THRB: variants seen among roughly 807,000 people sequenced by gnomAD.
THRB encodes the protein nuclear receptor subfamily 1 group A member 2.
A neutral mutation model predicts 47.8 loss-of-function variants in THRB; 12 were observed. The observed-to-expected ratio is 0.25, with a 90% CI of 0.16 to 0.41. THRB has a LOEUF of 0.41. THRB is among the 10% of genes least tolerant of loss of function. The probability of loss-of-function intolerance (pLI) is 1.00; values close to 1 mark genes in which losing one functional copy is unlikely to be tolerated. For synonymous variants in THRB, 218 were observed against 212.2 expected, an observed-to-expected ratio of 1.03 and a Z score of -0.24; for missense variants, 348 against 589.2, an observed-to-expected ratio of 0.59 and a Z score of 4.24.
chr3:24,469,636 C>G (rs1367083207), intron 1 of THRB, among the ~76,000 whole-genome samples: 1 of 152,104 alleles, frequency 6.6e-6, no homozygotes, highest in Non-Finnish European at 1.5e-5. Flanking sequence ...GTGTTAGATA[C>G]ATGCAAAAAT....
At chr3:24,484,622 G>C (rs532773784) in intron 1 of THRB, among the ~76,000 whole-genome samples, 12 of 152,262 alleles carry the variant, frequency 7.9e-5, no homozygotes, top group Non-Finnish European at 1.3e-4. Flanking sequence ...TGGGCTACCA[G>C]GGGTTAATAA....
At chr3:24,467,772 G>A (rs1294597759) in intron 1 of THRB, among the ~76,000 whole-genome samples, 1 of 152,174 alleles carries the variant, frequency 6.6e-6, no homozygotes, top group Non-Finnish European at 1.5e-5. Flanking sequence ...CCTAGGCAGA[G>A]TAGATTTAGC....
chr3:24,425,151 G>A (rs1444665948), intron 1 of THRB, among the ~76,000 whole-genome samples: 1 of 151,706 alleles, frequency 6.6e-6, no homozygotes, highest in Admixed American at 6.6e-5. Flanking sequence ...TTTTCAAGAT[G>A]TGGTATTGCT....
At chr3:24,490,624 G>A (rs143557546) in intron 1 of THRB, among the ~76,000 whole-genome samples, 6 of 152,276 alleles carry the variant, frequency 3.9e-5, no homozygotes, top group Middle Eastern at 3.4e-3. Flanking sequence ...ATAGACTAAA[G>A]CCCAAAGCAT....
intron 1 of THRB, among the ~76,000 whole-genome samples, chr3:24,409,240 G>A (rs908653120): frequency 1.1e-4 from 16 of 151,932 alleles, no homozygotes; most frequent in Admixed American, 2.6e-4. Flanking sequence ...CCCACTGTAA[G>A]TTAAATTTGC....
intron 3 of THRB, among the ~76,000 whole-genome samples, chr3:24,282,866 C>A (rs1161108271): frequency 1.3e-5 from 2 of 150,474 alleles, no homozygotes; most frequent in African/African-American, 4.9e-5. Flanking sequence ...ACACATACAC[C>A]CTCCCAAGAC....
intron 1 of THRB, among the ~76,000 whole-genome samples, chr3:24,404,210 A>G (rs1311922666): frequency 2.0e-5 from 3 of 151,954 alleles, no homozygotes; most frequent in African/African-American, 7.2e-5. Flanking sequence ...AAATCAATGC[A>G]TGGTATTACA....
At chr3:24,383,394 G>T (rs2149872060) in intron 1 of THRB, among the ~76,000 whole-genome samples, 1 of 152,228 alleles carries the variant, frequency 6.6e-6, no homozygotes, top group Admixed American at 6.5e-5. Flanking sequence ...AGGGATTGGG[G>T]CTGAGGGAAG....
chr3:24,439,735 C>T (rs1415439058), intron 1 of THRB, among the ~76,000 whole-genome samples: 4 of 152,202 alleles, frequency 2.6e-5, no homozygotes, highest in African/African-American at 9.7e-5. Flanking sequence ...TTATCATTTC[C>T]ATTCACCAAA....
At chr3:24,457,398 G>A (rs2073278547) in intron 1 of THRB, among the ~76,000 whole-genome samples, 2 of 152,104 alleles carry the variant, frequency 1.3e-5, no homozygotes, top group Non-Finnish European at 2.9e-5. Flanking sequence ...TTGATTAGCA[G>A]GTATAGATGC....
At chr3:24,382,407 A>T (rs2065782721) in intron 1 of THRB, among the ~76,000 whole-genome samples, 1 of 152,288 alleles carries the variant, frequency 6.6e-6, no homozygotes, top group Admixed American at 6.5e-5. Context: ...AAGGAAAAAT[A>T]TCATTAAACG....
At chr3:24,426,654 G>T (rs1202530814) in intron 1 of THRB, among the ~76,000 whole-genome samples, 1 of 151,936 alleles carries the variant, frequency 6.6e-6, no homozygotes. Context: ...TAGATTAATT[G>T]TCTATAGCTG....
chr3:24,377,672 C>A (rs1577192408), intron 1 of THRB, among the ~76,000 whole-genome samples: 1 of 152,130 alleles, frequency 6.6e-6, no homozygotes, highest in Non-Finnish European at 1.5e-5. Flanking sequence ...TACACTGTGA[C>A]CCACAATGTA....
intron 1 of THRB, among the ~76,000 whole-genome samples, chr3:24,376,014 G>T (rs1254569991): frequency 2.0e-5 from 3 of 152,082 alleles, no homozygotes; most frequent in Non-Finnish European, 2.9e-5. Context: ...AACTCCTCTA[G>T]AGGCCAAAAC....
intron 3 of THRB, among the ~76,000 whole-genome samples, chr3:24,235,827 C>T (rs1044101064): frequency 8.6e-5 from 13 of 151,956 alleles, no homozygotes; most frequent in African/African-American, 2.4e-4. Context: ...AGGAAGTTGC[C>T]GTGTAAGAGG....
chr3:24,389,736 C>A (rs1439580562), intron 1 of THRB, among the ~76,000 whole-genome samples: 1 of 151,762 alleles, frequency 6.6e-6, no homozygotes, highest in East Asian at 1.9e-4. Context: ...TTAGCTGTAA[C>A]AACAAAAACA....
rs1559548533 is a variant in THRB, at chr3:24,188,886, A to ATATATATATATATATATATATATATATAT, written c.283+1187_283+1188insATATATATATATATATATATATATATATA. Among the ~76,000 whole-genome samples the ATATATATATATATATATATATATATATAT allele has an allele frequency of 7.3e-5, 5 of 68,284 alleles. 1 individual carries two copies. The highest frequency in any genetic ancestry group is 6.2e-4 in the African/African-American group (5 of 8,068). The allele number at this position is 68,284 out of a possible 152,430, so 44.8% of individuals were successfully genotyped here. ...ATATATATATATATATATATATATGAGAGAAAGAGAGTCCAAATACAAACC... is the reference window on the plus strand; with the variant it reads ...ATATATATATATATATATATATATGATATATATATATATATATATATATATATATGAGAAAGAGAGTCCAAATACAAACC... On this transcript the variant is annotated intron_variant, in intron 5 of 10. Transcript: ENST00000646209.
At chr3:24,267,263 G>A (rs1477220138) in intron 3 of THRB, among the ~76,000 whole-genome samples, 2 of 152,004 alleles carry the variant, frequency 1.3e-5, no homozygotes, top group Non-Finnish European at 2.9e-5. Flanking sequence ...TTACATAAGT[G>A]GGTAGAGGTG....
intron 6 of THRB, among the ~76,000 whole-genome samples, chr3:24,151,611 C>G (rs952162577): frequency 6.6e-6 from 1 of 152,138 alleles, no homozygotes; most frequent in Non-Finnish European, 1.5e-5. Flanking sequence ...AAATACAGCA[C>G]TGGGTCAAGC....
Sources: allele counts gnomAD v4.1 joint callset (sites outside exome capture counted in the v4.1 genomes callset), GRCh38; gene constraint gnomAD v4.1.1; transcripts MANE v1.5; gene names NCBI Gene and HGNC (gene_info 2026-07-23, HGNC 2026-07-21).